Variants in CCDC60 observed in about 807,000 individuals in gnomAD.
CCDC60 encodes coiled-coil domain containing 60.
A neutral mutation model predicts 63.5 loss-of-function variants in CCDC60; 54 were observed. That is an observed-to-expected ratio of 0.85 (90% CI 0.68 to 1.07). The LOEUF is 1.07. Ranked by LOEUF, CCDC60 falls within the 50% of genes least tolerant of loss-of-function variation. CCDC60 has a pLI of 0.00. For missense variants in CCDC60, 651 were observed against 684.3 expected (o/e 0.95, Z 0.54); for synonymous variants, 206 against 238.8 (o/e 0.86, Z 1.27).
intron 2 of CCDC60, among the ~76,000 whole-genome samples, chr12:119,454,249 T>G (rs1950685846): frequency 6.6e-6 from 1 of 152,212 alleles, no homozygotes; most frequent in Admixed American, 6.5e-5. Flanking sequence ...GTCAGACTAT[T>G]TGACTTCTTT....
intron 1 of CCDC60, among the ~76,000 whole-genome samples, chr12:119,394,871 CT>C (rs1391624164): frequency 2.0e-5 from 3 of 152,150 alleles, no homozygotes; most frequent in African/African-American, 7.2e-5. Flanking sequence ...AGTGCATGAG[CT>C]CAGTGTTCCA....
intron 1 of CCDC60, among the ~76,000 whole-genome samples, chr12:119,337,716 C>T (rs149029401): frequency 1.8e-3 from 280 of 151,892 alleles, no homozygotes; most frequent in African/African-American, 6.4e-3. Flanking sequence ...AGATAAGAAA[C>T]GTTATAATGC....
intron 2 of CCDC60, chr12:119,433,616 G>A (rs1047760685): frequency 1.4e-5 from 10 of 700,924 alleles, no homozygotes; most frequent in Non-Finnish European, 2.3e-5. Flanking sequence ...AGTATTAAAT[G>A]AGGCGAATTG....
rs374318677 is a variant in CCDC60 at position 119,397,263 on chromosome 12, G to C, written c.91-31420G>C. Among the ~76,000 whole-genome samples, 4 of 152,330 alleles carry C rather than the reference G, an allele frequency of 2.6e-5. No individual in the cohort carries two copies. In the East Asian group the frequency reaches 7.7e-4, roughly 29 times the overall value. ...AAACAACACTTCCATGATCTGAAAA[G>C]GGACCTGAGCCGGTTGCCTCTACTG... On this transcript the variant is annotated intron_variant, in intron 1 of 13. Transcript: ENST00000327554.
chr12:119,346,794 T>C (rs1024042937), intron 1 of CCDC60, among the ~76,000 whole-genome samples: 20 of 118,188 alleles, frequency 1.7e-4, no homozygotes, highest in Middle Eastern at 8.7e-3. Context: ...CTTTCTTTCT[T>C]TCTTTCTTTC....
intron 8 of CCDC60, 83 bp from the exon 9 acceptor site, chr12:119,520,038 A>G: frequency 4.4e-6 from 5 of 1,138,408 alleles, no homozygotes; most frequent in Non-Finnish European, 6.5e-6. Context: ...TAGAAAGAGA[A>G]TTCCCCCTCC....
intron 4 of CCDC60, among the ~76,000 whole-genome samples, chr12:119,485,506 G>A (rs892494657): frequency 7.2e-5 from 11 of 152,328 alleles, no homozygotes; most frequent in Non-Finnish European, 1.6e-4. Context: ...AGATCAAGGT[G>A]CTGTCAGCGT....
In CCDC60 at chr12:119,461,110, C is replaced by A. The variant is rs111995921; in HGVS notation, c.171-10884C>A. ...CTGTTATGACCATCATTTACCTAAC[C>A]TTTTCTCTGTTTTCTCATCTGTAAA... On this transcript the variant is annotated intron_variant, in intron 2 of 13. Transcript: ENST00000327554. Among the ~76,000 whole-genome samples the A allele has an allele frequency of 2.0e-3, 298 of 152,160 alleles. 3 individuals are homozygous for A. Among genetic ancestry groups the A allele is most frequent in the South Asian group, 0.017 (81 of 4,812 alleles).
intron 1 of CCDC60, among the ~76,000 whole-genome samples, chr12:119,418,752 C>A (rs762621124): frequency 2.6e-5 from 4 of 152,094 alleles, no homozygotes; most frequent in Non-Finnish European, 5.9e-5. Flanking sequence ...CCTAGTTATC[C>A]CAGTCATGCC....
intron 2 of CCDC60, among the ~76,000 whole-genome samples, chr12:119,454,405 C>T (rs927773414): frequency 2.0e-5 from 3 of 152,164 alleles, no homozygotes; most frequent in Non-Finnish European, 2.9e-5. Context: ...TCCTGTTTCT[C>T]TCTAAGTGCC....
chr12:119,442,411 C>T (rs1047767336), intron 2 of CCDC60, among the ~76,000 whole-genome samples: 14 of 152,206 alleles, frequency 9.2e-5, no homozygotes, highest in South Asian at 4.2e-4. Flanking sequence ...CCCAGAAGTT[C>T]GAGACCAGCC....
At chr12:119,355,155 G>A (rs1201494259) in intron 1 of CCDC60, among the ~76,000 whole-genome samples, 1 of 152,176 alleles carries the variant, frequency 6.6e-6, no homozygotes. Flanking sequence ...TGAAACTTGG[G>A]TAACCAGGGT....
intron 2 of CCDC60, among the ~76,000 whole-genome samples, chr12:119,436,924 C>T (rs1950337256): frequency 6.6e-6 from 1 of 152,208 alleles, no homozygotes; most frequent in Admixed American, 6.5e-5. Flanking sequence ...CTGTGAATTT[C>T]TGATCTTGGA....
intron 1 of CCDC60, among the ~76,000 whole-genome samples, chr12:119,373,657 C>T (rs554746840): frequency 3.4e-4 from 28 of 83,196 alleles, no homozygotes; most frequent in South Asian, 1.4e-3. Context: ...ACTTTCTCTC[C>T]GGGGTGGGGT....
At chr12:119,506,718 C>G (rs1952017599) in intron 7 of CCDC60, among the ~76,000 whole-genome samples, 1 of 152,076 alleles carries the variant, frequency 6.6e-6, no homozygotes, top group Admixed American at 6.5e-5. Context: ...AATTCAAACA[C>G]ACACATATAC....
At chr12:119,440,181 A>G (rs1445130919) in intron 2 of CCDC60, among the ~76,000 whole-genome samples, 1 of 152,164 alleles carries the variant, frequency 6.6e-6, no homozygotes, top group African/African-American at 2.4e-5. Flanking sequence ...ATACCTATGT[A>G]ACAAACCTGC....
chr12:119,481,607 T>A (rs181570941), intron 4 of CCDC60, among the ~76,000 whole-genome samples: 28 of 152,182 alleles, frequency 1.8e-4, no homozygotes, highest in East Asian at 1.5e-3. Flanking sequence ...TCTTTTTTTT[T>A]AATTTTTTTA....
chr12:119,433,230 C>G (rs1950264082), intron 2 of CCDC60, among the ~76,000 whole-genome samples: 1 of 152,214 alleles, frequency 6.6e-6, no homozygotes, highest in South Asian at 2.1e-4. Flanking sequence ...CCACTTCCCA[C>G]AGACCCAGTA....
chr12:119,529,234 T>C (rs905219107), intron 12 of CCDC60, among the ~76,000 whole-genome samples: 9 of 152,208 alleles, frequency 5.9e-5, no homozygotes, highest in Admixed American at 3.9e-4. Flanking sequence ...GAGTGATTAC[T>C]GGATGGCAGT....
Sources: gnomAD v4.1 joint callset for allele counts (sites outside exome capture counted in the v4.1 genomes callset) on GRCh38, gnomAD v4.1.1 for gene constraint, MANE v1.5 for transcripts, NCBI Gene and HGNC (gene_info 2026-07-23, HGNC 2026-07-21) for gene names.